The following HNF4G variants were observed in gnomAD, a reference collection of about 807,000 sequenced individuals.
The protein encoded by HNF4G is hepatocyte nuclear factor 4 gamma, also known as hepatocyte nuclear factor 4-gamma.
A neutral mutation model predicts 50.9 loss-of-function variants in HNF4G; 21 were observed. That is an observed-to-expected ratio of 0.41 (90% CI 0.29 to 0.59). HNF4G has a LOEUF of 0.59. Among genes scored for constraint, HNF4G ranks in the 20% least tolerant of loss-of-function variants. The probability of loss-of-function intolerance (pLI) is 0.26; values close to 1 mark genes in which losing one functional copy is unlikely to be tolerated. For synonymous variants in HNF4G, 198 were observed against 185.6 expected, an observed-to-expected ratio of 1.07 and a Z score of -0.54; for missense variants, 527 against 559.4, an observed-to-expected ratio of 0.94 and a Z score of 0.58.
chr8:75,532,643 C>A (rs1806359907), intron 2 of HNF4G, among the ~76,000 whole-genome samples: 1 of 151,988 alleles, frequency 6.6e-6, no homozygotes, highest in African/African-American at 2.4e-5. Context: ...GGCACATATG[C>A]AATCATATAC....
At chr8:75,489,461 G>A (rs2130677621) in intron 1 of HNF4G, among the ~76,000 whole-genome samples, 1 of 152,278 alleles carries the variant, frequency 6.6e-6, no homozygotes, top group Non-Finnish European at 1.5e-5. Context: ...CATAGCAATG[G>A]TGTTGAAGAG....
chr8:75,471,458 T>C (rs1295514575), intron 1 of HNF4G, among the ~76,000 whole-genome samples: 2 of 152,162 alleles, frequency 1.3e-5, no homozygotes, highest in Non-Finnish European at 2.9e-5. Flanking sequence ...GTTTGAATAG[T>C]TAAAATGACG....
intron 2 of HNF4G, among the ~76,000 whole-genome samples, chr8:75,546,144 T>C (rs1563549311): frequency 6.6e-6 from 1 of 152,158 alleles, no homozygotes; most frequent in East Asian, 1.9e-4. Context: ...CAGGTACATA[T>C]CAATATGTAT....
intron 1 of HNF4G, among the ~76,000 whole-genome samples, chr8:75,488,202 T>C (rs1198347709): frequency 6.6e-6 from 1 of 152,204 alleles, no homozygotes; most frequent in Admixed American, 6.5e-5. Context: ...GGCCACTTAT[T>C]AGGGAGTTTA....
Position 75,494,300 on chromosome 8 carries a change from G to GCGCA in HNF4G, c.-24+4093_-24+4094insGCAC, listed in dbSNP as rs1491290368. 2.2e-3 allele frequency among the ~76,000 whole-genome samples: 169 copies of GCGCA among 77,292 alleles called. 1 individual carries two copies. The highest frequency in any genetic ancestry group is 3.7e-3 in the Non-Finnish European group (151 of 41,046). 50.7% of individuals were successfully genotyped at this position (77,292 alleles called of 152,430 possible). A position where few individuals can be genotyped will look rare whatever the true frequency, so the allele number is the denominator to read the frequency against. On this transcript the variant is annotated intron_variant, in intron 2 of 10. Transcript: ENST00000354370. ...AAAAAAGCTACTGCTCTCCCATACA[G>GCGCA]CACACACACACACACACACACACAC...
Position 75,428,126 on chromosome 8 carries a change from C to T in HNF4G, c.-144+19964C>T, listed in dbSNP as rs946406464. ...ATCAACATGAGTAATAATATTATTA[C>T]TTACATTTTGTAAAGGGAAGGTAGG... On this transcript the variant is annotated intron_variant, in intron 1 of 10. Transcript: ENST00000354370. Among the ~76,000 whole-genome samples, 4 of 152,190 alleles carry T rather than the reference C, an allele frequency of 2.6e-5. No homozygotes were observed. The South Asian group carries it at 6.2e-4, about 24-fold the overall frequency.
chr8:75,550,610 G>A (rs1806921098), intron 3 of HNF4G, among the ~76,000 whole-genome samples: 1 of 151,734 alleles, frequency 6.6e-6, no homozygotes, highest in African/African-American at 2.4e-5. Flanking sequence ...TTCTCTCTCT[G>A]GTAAACATGT....
At chr8:75,436,195 CTG>C (rs1475091709) in intron 1 of HNF4G, among the ~76,000 whole-genome samples, 1 of 152,102 alleles carries the variant, frequency 6.6e-6, no homozygotes, top group Admixed American at 6.6e-5. Context: ...TAGGAGGACA[CTG>C]TTTTTAAAAT....
intron 1 of HNF4G, among the ~76,000 whole-genome samples, chr8:75,408,854 C>T (rs1000427326): frequency 6.6e-6 from 1 of 152,182 alleles, no homozygotes; most frequent in East Asian, 1.9e-4. Flanking sequence ...TGGGATGTCC[C>T]GGAAACTAAA....
chr8:75,558,367 A>T (rs1312020110), intron 6 of HNF4G, 151 bp from the exon 7 acceptor site: 1 of 643,956 alleles, frequency 1.6e-6, no homozygotes, highest in African/African-American at 1.8e-5. Flanking sequence ...TTCTAGCATA[A>T]CTAACAACAC....
chr8:75,437,723 C>A (rs1811172747), intron 1 of HNF4G, among the ~76,000 whole-genome samples: 2 of 151,606 alleles, frequency 1.3e-5, no homozygotes, highest in Non-Finnish European at 1.5e-5. Context: ...TAATACACTT[C>A]CAGAAAACAA....
chr8:75,514,026 T>A (rs1805826213), intron 2 of HNF4G, among the ~76,000 whole-genome samples: 1 of 151,978 alleles, frequency 6.6e-6, no homozygotes, highest in South Asian at 2.1e-4. Context: ...TCCTCCTTTA[T>A]CAGTTGCAAA....
chr8:75,492,015 G>A (rs1431672259), intron 2 of HNF4G, among the ~76,000 whole-genome samples: 1 of 152,188 alleles, frequency 6.6e-6, no homozygotes, highest in African/African-American at 2.4e-5. Context: ...TTACTCCAGA[G>A]CTGTGCTGGT....
At chr8:75,528,725 G>A (rs113763076) in intron 2 of HNF4G, among the ~76,000 whole-genome samples, 5,099 of 152,246 alleles carry the variant, frequency 0.033, 116 homozygotes, top group South Asian at 0.054. Context: ...TTATGAAACT[G>A]GTTCTCTAGT....
intron 2 of HNF4G, among the ~76,000 whole-genome samples, chr8:75,521,842 C>T (rs1806051499): frequency 6.6e-6 from 1 of 152,118 alleles, no homozygotes; most frequent in Non-Finnish European, 1.5e-5. Flanking sequence ...TATAGTCACT[C>T]CACATCTTAC....
chr8:75,496,002 G>A (rs1460374138), intron 2 of HNF4G, among the ~76,000 whole-genome samples: 1 of 151,860 alleles, frequency 6.6e-6, no homozygotes, highest in Non-Finnish European at 1.5e-5. Context: ...GTGAGCTACT[G>A]TATTATAGTT....
At chr8:75,507,896 G>A (rs1805637598) in intron 2 of HNF4G, among the ~76,000 whole-genome samples, 1 of 151,994 alleles carries the variant, frequency 6.6e-6, no homozygotes, top group African/African-American at 2.4e-5. Context: ...AGGTTTCTGT[G>A]TAAGAAAACT....
chr8:75,442,941 T>C (rs1811322470), intron 1 of HNF4G, among the ~76,000 whole-genome samples: 1 of 152,180 alleles, frequency 6.6e-6, no homozygotes, highest in Non-Finnish European at 1.5e-5. Context: ...CACTCTACTA[T>C]GTATTGCCTT....
intron 1 of HNF4G, among the ~76,000 whole-genome samples, chr8:75,453,028 C>T (rs543019389): frequency 6.6e-6 from 1 of 152,336 alleles, no homozygotes; most frequent in South Asian, 2.1e-4. Context: ...CTAAAGTTCA[C>T]CTAGAGAATA....
Sources: gnomAD v4.1 joint callset for allele counts (sites outside exome capture counted in the v4.1 genomes callset) on GRCh38, gnomAD v4.1.1 for gene constraint, MANE v1.5 for transcripts, NCBI Gene and HGNC (gene_info 2026-07-23, HGNC 2026-07-21) for gene names.